The following IL1RAPL1 variants were observed in gnomAD, a reference collection of about 807,000 sequenced individuals.
IL1RAPL1 encodes interleukin-1 receptor accessory protein-like 1.
Under a neutral mutation model 48.4 loss-of-function variants are expected in IL1RAPL1, and 3 were observed. The ratio of observed to expected loss-of-function variants is 0.06; its 90% CI spans 0.03 to 0.16. The LOEUF (loss-of-function observed/expected upper bound fraction) is 0.16. IL1RAPL1 is among the 10% of genes least tolerant of loss of function. The pLI is 1.00. For missense variants in IL1RAPL1, 349 were observed against 530.6 expected (o/e 0.66, Z 3.36); for synonymous variants, 185 against 187.7 (o/e 0.99, Z 0.12).
At chrX:29,441,388 A>G (rs1277092701) in intron 5 of IL1RAPL1, among the ~76,000 whole-genome samples, 1 of 112,324 alleles carries the variant, frequency 8.9e-6, no homozygotes, top group Non-Finnish European at 1.9e-5. Flanking sequence ...TATCAGATAA[A>G]TGTACCTGAA....
chrX:29,175,785 G>T (rs756841358), intron 2 of IL1RAPL1, among the ~76,000 whole-genome samples: 273 of 91,952 alleles, frequency 3.0e-3, no homozygotes, highest in Non-Finnish European at 5.1e-3. Flanking sequence ...GGTAGAGGTT[G>T]CATTGAGCCA....
chrX:29,030,567 C>A (rs768535012), intron 2 of IL1RAPL1, among the ~76,000 whole-genome samples: 112 of 111,192 alleles, frequency 1.0e-3, no homozygotes, highest in Non-Finnish European at 1.4e-3. Context: ...CTTTGTGATA[C>A]TAGTTTTTTG....
chrX:29,323,914 AT>A (rs1185832177), intron 3 of IL1RAPL1, among the ~76,000 whole-genome samples: 217 of 101,239 alleles, frequency 2.1e-3, no homozygotes, highest in Non-Finnish European at 4.1e-3. Flanking sequence ...GACAACTAAG[AT>A]TTTTCTTTTG....
chrX:29,221,328 A>C (rs2147549893), intron 2 of IL1RAPL1, among the ~76,000 whole-genome samples: 1 of 111,631 alleles, frequency 9.0e-6, no homozygotes, highest in African/African-American at 3.3e-5. Context: ...TTATGATGAA[A>C]CTGACCAAAC....
At chrX:29,156,858 A>C (rs1929579912) in intron 2 of IL1RAPL1, among the ~76,000 whole-genome samples, 1 of 23 alleles carries the variant, frequency 0.043, no homozygotes, top group Admixed American at 0.33. Context: ...AGAACTAAAA[A>C]GTTACCAAAG....
intron 2 of IL1RAPL1, among the ~76,000 whole-genome samples, chrX:28,968,835 C>T (rs1424800408): frequency 8.9e-6 from 1 of 112,401 alleles, no homozygotes; most frequent in Non-Finnish European, 1.9e-5. Context: ...CAATAACAAA[C>T]CAGGAACAGT....
intron 2 of IL1RAPL1, among the ~76,000 whole-genome samples, chrX:29,167,418 TC>T (rs1929808131): frequency 1.8e-5 from 2 of 108,239 alleles, no homozygotes; most frequent in African/African-American, 3.4e-5. Flanking sequence ...TCTGGAGACT[TC>T]TGCTTGTTTT....
intron 6 of IL1RAPL1, among the ~76,000 whole-genome samples, chrX:29,851,501 G>A (rs1326370181): frequency 8.9e-6 from 1 of 112,093 alleles, no homozygotes; most frequent in African/African-American, 3.2e-5. Flanking sequence ...TTCTATAGGG[G>A]ATTTCAACTG....
At chrX:28,604,544 T>C (rs938986000) in intron 1 of IL1RAPL1, among the ~76,000 whole-genome samples, 1 of 109,422 alleles carries the variant, frequency 9.1e-6, no homozygotes, top group African/African-American at 3.3e-5. Flanking sequence ...CTGGCCAACA[T>C]GGTGAAACCC....
Position 28,655,641 on chromosome X carries a change from C to A in IL1RAPL1, c.-25+67594C>A, listed in dbSNP as rs919449458. 3.6e-5 allele frequency among the ~76,000 whole-genome samples: 4 copies of A among 111,766 alleles called. No individual in the cohort carries two copies. The East Asian group carries it at 8.4e-4, about 23-fold the overall frequency. On this transcript the variant is annotated intron_variant, in intron 1 of 10. Transcript: ENST00000378993. ...TCAGAAATAAAATTTCTAATGGGAA[C>A]TGACAGATCGACAAAAGGCTAACAT...
chrX:29,590,705 A>T (rs755199450), intron 5 of IL1RAPL1, among the ~76,000 whole-genome samples: 27 of 111,777 alleles, frequency 2.4e-4, no homozygotes, highest in African/African-American at 8.8e-4. Context: ...CATCAAATGG[A>T]GTCTGAAAGA....
chrX:29,776,905 C>A (rs2147154479), intron 6 of IL1RAPL1, among the ~76,000 whole-genome samples: 1 of 111,863 alleles, frequency 8.9e-6, no homozygotes, highest in African/African-American at 3.2e-5. Flanking sequence ...GCATATAATT[C>A]ACCAATTCAA....
At chrX:29,467,479 A>G (rs1602249580) in intron 5 of IL1RAPL1, among the ~76,000 whole-genome samples, 1 of 112,122 alleles carries the variant, frequency 8.9e-6, no homozygotes, top group Admixed American at 9.4e-5. Flanking sequence ...TCGCTCACTT[A>G]CTCAGCCTGC....
At chrX:29,252,102 C>G (rs1294025994) in intron 2 of IL1RAPL1, among the ~76,000 whole-genome samples, 19 of 103,611 alleles carry the variant, frequency 1.8e-4, no homozygotes, top group Middle Eastern at 5.1e-3. Context: ...ACATCACACT[C>G]TGGGGACTGT....
At chrX:29,736,378 A>C (rs767030485) in intron 6 of IL1RAPL1, among the ~76,000 whole-genome samples, 1 of 111,663 alleles carries the variant, frequency 9.0e-6, no homozygotes, top group Non-Finnish European at 1.9e-5. Context: ...ACAGTTTGAC[A>C]CTGCCACACT....
chrX:29,247,057 G>T (rs1277474924), intron 2 of IL1RAPL1, among the ~76,000 whole-genome samples: 1 of 112,071 alleles, frequency 8.9e-6, no homozygotes. Flanking sequence ...TACAACCAAT[G>T]ATATATTCAT....
intron 2 of IL1RAPL1, among the ~76,000 whole-genome samples, chrX:28,810,960 G>C (rs1454851494): frequency 1.8e-5 from 2 of 109,028 alleles, no homozygotes; most frequent in Non-Finnish European, 3.9e-5. Context: ...TCTATCAGCT[G>C]GTCAAATCTC....
intron 2 of IL1RAPL1, among the ~76,000 whole-genome samples, chrX:28,982,652 G>A (rs779631148): frequency 9.0e-6 from 1 of 111,443 alleles, no homozygotes; most frequent in East Asian, 2.8e-4. Flanking sequence ...GGCAAAGGGA[G>A]ACACCAATAA....
chrX:29,289,258 A>G (rs1932335210), intron 3 of IL1RAPL1, among the ~76,000 whole-genome samples: 1 of 111,788 alleles, frequency 8.9e-6, no homozygotes, highest in Admixed American at 9.5e-5. Flanking sequence ...TTATTTCAGG[A>G]CTGATGTTTG....
Sources: gnomAD v4.1 joint callset for allele counts (sites outside exome capture counted in the v4.1 genomes callset) on GRCh38, gnomAD v4.1.1 for gene constraint, MANE v1.5 for transcripts, NCBI Gene and HGNC (gene_info 2026-07-23, HGNC 2026-07-21) for gene names.